Variants in CRBN observed in about 807,000 individuals in gnomAD.
CRBN encodes cereblon.
A neutral mutation model predicts 62.2 loss-of-function variants in CRBN; 53 were observed. The observed-to-expected ratio is 0.85, with a 90% CI of 0.68 to 1.07. The LOEUF is 1.07. CRBN is among the 50% of genes least tolerant of loss of function. The probability of loss-of-function intolerance (pLI) is 0.00; values close to 1 mark genes in which losing one functional copy is unlikely to be tolerated. For synonymous variants in CRBN, 208 were observed against 176.1 expected (o/e 1.18, Z -1.43); for missense variants, 616 against 531.1 (o/e 1.16, Z -1.57).
Position 3,152,536 on chromosome 3 carries a change from C to G in CRBN, c.1068G>C (p.Val356=). Reference sequence around the variant, plus strand: ...CCTTATACACAGTAAGTGTCTCATGCACATATCCATGAGGATTCACATAAG... The same window carrying G: ...CCTTATACACAGTAAGTGTCTCATGGACATATCCATGAGGATTCACATAAG... ...MAAYVNPHGY[V]HETLTVYKAC... Residue 356 remains valine, a synonymous_variant, in exon 10 of 11, where the codon GTG becomes GTC. Coordinates refer to ENST00000231948, the MANE Select transcript of CRBN (RefSeq NM_016302.4). 6.2e-7 allele frequency: 1 copy of G among 1,613,264 alleles called. No homozygotes were observed. The highest frequency in any genetic ancestry group is 8.5e-7 in the Non-Finnish European group (1 of 1,179,260).
chr3:3,156,398 TAAA>T lies in CRBN; in HGVS notation c.688-120_688-118del, dbSNP rs1181874352. 86 of 884,242 alleles carry T rather than the reference TAAA, an allele frequency of 9.7e-5. 1 individual carries two copies. The South Asian group carries it at 1.2e-3, about 13-fold the overall frequency. 54.8% of individuals were successfully genotyped at this position (884,242 alleles called of 1,614,324 possible). ...AGGAAAACATCTAATTTTAAAAAGA[TAAA>T]AAATTTTGTAGATAATCCCATGACG... On this transcript the variant is annotated intron_variant, in intron 5 of 10. Coordinates refer to ENST00000231948, the MANE Select transcript of CRBN (RefSeq NM_016302.4).
chr3:3,165,428 G>A (rs1707292073), intron 5 of CRBN, among the ~76,000 whole-genome samples: 1 of 152,124 alleles, frequency 6.6e-6, no homozygotes, highest in African/African-American at 2.4e-5. Flanking sequence ...CTTCGTTGCT[G>A]TCTTAAGAAA....
At chr3:3,161,394 G>A (rs552552584) in intron 5 of CRBN, among the ~76,000 whole-genome samples, 1 of 152,142 alleles carries the variant, frequency 6.6e-6, no homozygotes. Context: ...CAAACATCAG[G>A]TTTGATACTA....
intron 5 of CRBN, among the ~76,000 whole-genome samples, chr3:3,163,685 C>T (rs1299136150): frequency 6.6e-6 from 1 of 152,190 alleles, no homozygotes; most frequent in Non-Finnish European, 1.5e-5. Flanking sequence ...ATACTTAGAA[C>T]TTTGCAAAGA....
At chr3:3,159,207 T>C (rs1309020650) in intron 5 of CRBN, among the ~76,000 whole-genome samples, 2 of 152,180 alleles carry the variant, frequency 1.3e-5, no homozygotes, top group Non-Finnish European at 2.9e-5. Context: ...GCCTAACATG[T>C]GTCAGGCTAT....
chr3:3,179,659 G>A lies in CRBN; in HGVS notation c.29C>T (p.Ala10Val), dbSNP rs137880766. The change falls in exon 1 of 11, where the codon GCT becomes GTT. Residue 10 changes from alanine (A) to valine (V), a missense_variant. By Grantham distance (64) the Ala-to-Val change is moderately conservative. Transcript: ENST00000231948. ...CAGGTGGTTGCCCATGTTGTGCGCA[G>A]CGTCCTGCTGATCTCCTTCGCCGGC... MAGEGDQQD[A>V]AHNMGNHLPL... The A allele has an allele frequency of 6.0e-5, 97 of 1,613,162 alleles. No homozygotes were observed. In the African/African-American group the frequency reaches 1.0e-3, roughly 17 times the overall value.
chr3:3,172,669 T>C, intron 4 of CRBN, 107 bp downstream of exon 4: 1 of 1,140,104 alleles, frequency 8.8e-7, no homozygotes, highest in South Asian at 1.2e-5. Flanking sequence ...AGAGAACAAC[T>C]AGTTAAAAGT....
At chr3:3,158,801 C>T (rs1350125784) in intron 5 of CRBN, among the ~76,000 whole-genome samples, 1 of 152,168 alleles carries the variant, frequency 6.6e-6, no homozygotes. Context: ...CTCTAACCAT[C>T]ATTCATTCAA....
downstream of CRBN, chr3:3,149,881 TATCATACAA>T (rs1706371054): frequency 6.6e-6 from 1 of 152,158 alleles, no homozygotes; most frequent in Non-Finnish European, 1.5e-5. Flanking sequence ...AAACGAAAGT[TATCATACAA>T]ATGTGGAAGG....
Position 3,150,784 on chromosome 3 carries a change from A to G in CRBN, c.*81T>C, listed in dbSNP as rs561763403. ...GTATTAATGTTATGTTTACTTAGGTATGTATCAGAGGCAATAATTTCCAAA... is the reference window on the plus strand; with the variant it reads ...GTATTAATGTTATGTTTACTTAGGTGTGTATCAGAGGCAATAATTTCCAAA... On this transcript the variant is annotated 3_prime_UTR_variant, in exon 11 of 11. Coordinates refer to ENST00000231948, the MANE Select transcript of CRBN (RefSeq NM_016302.4). 153 of 1,314,466 alleles carry G rather than the reference A, an allele frequency of 1.2e-4. No individual in the cohort carries two copies. In the East Asian group the frequency reaches 2.6e-3, roughly 22 times the overall value. The allele number at this position is 1,314,466 out of a possible 1,614,324, so 81.4% of individuals were successfully genotyped here.
intron 5 of CRBN, among the ~76,000 whole-genome samples, chr3:3,166,566 G>A (rs1030198766): frequency 2.0e-5 from 3 of 152,078 alleles, no homozygotes; most frequent in Middle Eastern, 3.2e-3. Flanking sequence ...GAGTCTTAAA[G>A]CAGTCTAATT....
intron 5 of CRBN, among the ~76,000 whole-genome samples, chr3:3,159,120 G>A (rs1004415433): frequency 3.3e-5 from 5 of 152,158 alleles, no homozygotes; most frequent in South Asian, 2.1e-4. Flanking sequence ...TGAACTGTGA[G>A]TCAAATAAAA....
rs1034610444 is a variant in CRBN, at chr3:3,158,578, C to T, written c.688-2297G>A. 2.0e-4 allele frequency among the ~76,000 whole-genome samples: 31 copies of T among 152,298 alleles called. 1 individual carries two copies. The highest frequency in any genetic ancestry group is 1.4e-3 in the Admixed American group (21 of 15,306). Reference sequence around the variant, plus strand: ...ATTTAAGAAAATACTACCAAGAGCACATCAAGTAGCTCTGAATCTTCAGGA... The same window carrying T: ...ATTTAAGAAAATACTACCAAGAGCATATCAAGTAGCTCTGAATCTTCAGGA... On this transcript the variant is annotated intron_variant, in intron 5 of 10. Coordinates refer to ENST00000231948, the MANE Select transcript of CRBN (RefSeq NM_016302.4).
intron 2 of CRBN, among the ~76,000 whole-genome samples, chr3:3,174,704 C>T (rs1228230258): frequency 2.0e-5 from 3 of 152,098 alleles, no homozygotes; most frequent in Non-Finnish European, 4.4e-5. Flanking sequence ...GGTATATAAG[C>T]ATCCCATGTT....
intron 4 of CRBN, chr3:3,172,551 A>C: frequency 1.8e-6 from 1 of 568,496 alleles, no homozygotes; most frequent in Non-Finnish European, 3.1e-6. Context: ...CACTCTCTGG[A>C]GATGGGAGAT....
At chr3:3,167,479 T>G in intron 5 of CRBN, 155 bp downstream of exon 5, 2 of 684,664 alleles carry the variant, frequency 2.9e-6, no homozygotes, top group East Asian at 2.7e-5. Flanking sequence ...ATAAAGTAGC[T>G]GCCTGTGCAA....
intron 5 of CRBN, among the ~76,000 whole-genome samples, chr3:3,162,696 T>C (rs1260158386): frequency 2.7e-5 from 4 of 147,716 alleles, no homozygotes; most frequent in Middle Eastern, 3.2e-3. Context: ...TCCTCGATAC[T>C]TTAAGTTCCT....
chr3:3,165,999 T>C (rs146184129), intron 5 of CRBN, among the ~76,000 whole-genome samples: 1 of 152,276 alleles, frequency 6.6e-6, no homozygotes, highest in Non-Finnish European at 1.5e-5. Flanking sequence ...ACATTTAAAA[T>C]GACTATGGGA....
rs554994196 is a variant in CRBN, at chr3:3,154,204, C to G, written c.836-129G>C. The G allele has an allele frequency of 9.0e-6, 6 of 668,308 alleles. No homozygotes were observed. The African/African-American group carries it at 1.1e-4, about 12-fold the overall frequency. The allele number at this position is 668,308 out of a possible 1,614,324, so 41.4% of individuals were successfully genotyped here. A position where few individuals can be genotyped will look rare whatever the true frequency, so the allele number is the denominator to read the frequency against. ...GTTACACATTTTATACAAGTATAAA[C>G]AATACAAAAATATACCAGCTGTCAA... On this transcript the variant is annotated intron_variant, in intron 7 of 10. Transcript: ENST00000231948.
Sources: gnomAD v4.1 joint callset for allele counts (sites outside exome capture counted in the v4.1 genomes callset) on GRCh38, gnomAD v4.1.1 for gene constraint, MANE v1.5 for transcripts, NCBI Gene and HGNC (gene_info 2026-07-23, HGNC 2026-07-21) for gene names.